The following USP33 variants were observed in gnomAD, a reference collection of about 807,000 sequenced individuals.
The protein encoded by USP33 is ubiquitin specific peptidase 33, also known as ubiquitin carboxyl-terminal hydrolase 33.
Under a neutral mutation model 124.2 loss-of-function variants are expected in USP33, and 46 were observed. The observed-to-expected ratio is 0.37, with a 90% CI of 0.29 to 0.47. The LOEUF (loss-of-function observed/expected upper bound fraction) is 0.47, where lower values mean the gene tolerates loss of function less well. Ranked by LOEUF, USP33 falls within the 20% of genes least tolerant of loss-of-function variation. The pLI is 0.99. For missense variants in USP33, 851 were observed against 1,070.6 expected (o/e 0.79, Z 2.86); for synonymous variants, 350 against 352.3 (o/e 0.99, Z 0.07).
chr1:77,716,109 C>T (rs911892028), intron 17 of USP33, among the ~76,000 whole-genome samples: 3 of 152,028 alleles, frequency 2.0e-5, no homozygotes, highest in African/African-American at 7.3e-5. Context: ...CCCAAGCTGG[C>T]GTTCAGTGAA....
At chr1:77,709,882 T>TACAC (rs35770178) in intron 21 of USP33, among the ~76,000 whole-genome samples, 37,299 of 144,664 alleles carry the variant, frequency 0.26, 4,843 homozygotes, top group Middle Eastern at 0.33. Context: ...TGCATACACA[T>TACAC]ACACACACAC....
chr1:77,706,047 C>CATA (rs1360961254), intron 21 of USP33, among the ~76,000 whole-genome samples: 4 of 152,080 alleles, frequency 2.6e-5, no homozygotes, highest in South Asian at 4.1e-4. Context: ...TTTGTTTATC[C>CATA]ATTTGTCAGA....
chr1:77,707,336 G>T (rs1238011950), intron 21 of USP33, among the ~76,000 whole-genome samples: 2 of 152,122 alleles, frequency 1.3e-5, no homozygotes, highest in East Asian at 3.8e-4. Context: ...CCTTGCAGCT[G>T]CATCATTCCA....
intron 1 of USP33, among the ~76,000 whole-genome samples, chr1:77,757,746 TG>T (rs1211650795): frequency 6.6e-6 from 1 of 152,216 alleles, no homozygotes; most frequent in Non-Finnish European, 1.5e-5. Context: ...TATCAAAAGC[TG>T]CTTTGGCAAC....
chr1:77,708,003 T>C (rs1300813441), intron 21 of USP33, among the ~76,000 whole-genome samples: 1 of 152,180 alleles, frequency 6.6e-6, no homozygotes, highest in Non-Finnish European at 1.5e-5. Flanking sequence ...TGGTGGGACT[T>C]TGGGTCTCCC....
intron 4 of USP33, among the ~76,000 whole-genome samples, chr1:77,739,798 A>C (rs556079198): frequency 6.6e-6 from 1 of 152,372 alleles, no homozygotes; most frequent in Admixed American, 6.5e-5. Context: ...TCAAGGCATA[A>C]AACAGCTCTA....
chr1:77,721,254 C>T (rs775852374), intron 14 of USP33, 49 bp from the exon 15 acceptor site: 4 of 1,601,954 alleles, frequency 2.5e-6, no homozygotes, highest in Admixed American at 1.7e-5. Flanking sequence ...CAGCAAATTG[C>T]TTATTATGGT....
At chr1:77,704,114 CAA>C (rs58081679) in intron 21 of USP33, among the ~76,000 whole-genome samples, 30 of 117,226 alleles carry the variant, frequency 2.6e-4, no homozygotes, top group Admixed American at 2.6e-4. Flanking sequence ...CAACTTGTCT[CAA>C]AAAAAAAAAA....
At chr1:77,710,903 C>T (rs769599876) in intron 21 of USP33, among the ~76,000 whole-genome samples, 5 of 152,104 alleles carry the variant, frequency 3.3e-5, no homozygotes, top group Non-Finnish European at 4.4e-5. Flanking sequence ...CTTCTTGCTA[C>T]GTCAATAATT....
At chr1:77,728,160 T>G in intron 10 of USP33, 135 bp downstream of exon 10, 8 of 938,790 alleles carry the variant, frequency 8.5e-6, no homozygotes, top group Non-Finnish European at 1.2e-5. Flanking sequence ...TTCTATAATT[T>G]TATGACTAAT....
intron 1 of USP33, among the ~76,000 whole-genome samples, chr1:77,743,092 G>A (rs1050156357): frequency 2.2e-4 from 33 of 152,014 alleles, no homozygotes; most frequent in African/African-American, 6.8e-4. Context: ...ACAGGCATGC[G>A]CCACCACACC....
chr1:77,739,669 G>C (rs188846686), intron 4 of USP33, among the ~76,000 whole-genome samples: 1 of 152,114 alleles, frequency 6.6e-6, no homozygotes, highest in African/African-American at 2.4e-5. Flanking sequence ...AAAGATAAAC[G>C]CAAGAGTGTA....
rs1393617288 is a variant in USP33 at position 77,728,520 on chromosome 1, C to A, written c.910G>T (p.Gly304Cys). ...SNSDRAENEN[G>C]SRCFSEDNNE... ...TTATCTTCAGAAAAGCATCTAGAGCCATTTTCATTTTCTGCTCTATCACTG... is the reference window on the plus strand; with the variant it reads ...TTATCTTCAGAAAAGCATCTAGAGCAATTTTCATTTTCTGCTCTATCACTG... The change falls in exon 10 of 24, where the codon GGC becomes TGC. Residue 304 changes from glycine (G) to cysteine (C), a missense_variant. By Grantham distance (159) the Gly-to-Cys change is radical. Transcript: ENST00000370794. The A allele has an allele frequency of 3.7e-6, 6 of 1,613,928 alleles. No individual in the cohort carries two copies. Among genetic ancestry groups the A allele is most frequent in the Non-Finnish European group, 5.1e-6 (6 of 1,180,002 alleles).
chr1:77,757,105 A>C (rs1327653931), intron 1 of USP33, among the ~76,000 whole-genome samples: 1 of 152,204 alleles, frequency 6.6e-6, no homozygotes, highest in Non-Finnish European at 1.5e-5. Flanking sequence ...CACATTACAA[A>C]TATCCTCCAA....
intron 1 of USP33, among the ~76,000 whole-genome samples, chr1:77,745,863 C>A (rs1174243795): frequency 2.6e-5 from 4 of 152,180 alleles, no homozygotes; most frequent in Non-Finnish European, 4.4e-5. Context: ...ACCAGAATCT[C>A]TGGGACACAT....
intron 1 of USP33, among the ~76,000 whole-genome samples, chr1:77,751,768 A>G (rs1278815627): frequency 6.7e-6 from 1 of 148,808 alleles, no homozygotes; most frequent in East Asian, 2.1e-4. Flanking sequence ...AGCTCACTGC[A>G]AGCTCCACCT....
At position 77,723,428 on chromosome 1, in the gene USP33, G is replaced by T; in HGVS notation, c.1292C>A (p.Pro431Gln). Residue 431 changes from proline to glutamine, a missense_variant, in exon 12 of 24, where the codon CCA becomes CAA. Transcript: ENST00000370794. ...TTTCTTGTGCTGTTTTTTTCTCTTT[G>T]GAGATGCAGACTGAGCTAGGATTGA... is the stretch of plus-strand genomic sequence containing the variant. Reference protein sequence around the residue: ...PPHKKAQSASPKRKKQHKKYR... With the variant: ...PPHKKAQSASQKRKKQHKKYR... The T allele has an allele frequency of 1.2e-6, 2 of 1,608,786 alleles. No homozygotes were observed. Among genetic ancestry groups the T allele is most frequent in the Non-Finnish European group, 1.7e-6 (2 of 1,177,724 alleles).
intron 5 of USP33, among the ~76,000 whole-genome samples, chr1:77,738,900 G>A (rs529974464): frequency 3.9e-4 from 59 of 152,224 alleles, no homozygotes; most frequent in Middle Eastern, 3.4e-3. Context: ...AGGAGAGAAC[G>A]GGGAAGAGAG....
rs958398724 is a variant in USP33, at chr1:77,759,849, C to G, written c.-258G>C. 5.1e-6 allele frequency: 2 copies of G among 395,992 alleles called. No individual in the cohort carries two copies. The highest frequency in any genetic ancestry group is 8.9e-6 in the Non-Finnish European group (2 of 224,692). The allele number at this position is 395,992 out of a possible 1,614,324, so 24.5% of individuals were successfully genotyped here. A position where few individuals can be genotyped will look rare whatever the true frequency, so the allele number is the denominator to read the frequency against. On this transcript the variant is annotated 5_prime_UTR_variant, in exon 1 of 24. Coordinates refer to ENST00000370794, the MANE Select transcript of USP33 (RefSeq NM_201624.3). ...CAGCAGCCGCGGCTCCTTCCGGTGT[C>G]TCCGGGGCCGCCGCAGGCGTCTCCG...
Sources: gnomAD v4.1 joint callset for allele counts (sites outside exome capture counted in the v4.1 genomes callset) on GRCh38, gnomAD v4.1.1 for gene constraint, MANE v1.5 for transcripts, NCBI Gene and HGNC (gene_info 2026-07-23, HGNC 2026-07-21) for gene names.